ZSWIM8: variants seen among roughly 807,000 people sequenced by gnomAD.
The protein encoded by ZSWIM8 is zinc finger SWIM domain-containing protein 8.
A neutral mutation model predicts 173.7 loss-of-function variants in ZSWIM8; 27 were observed. The observed-to-expected ratio is 0.16, with a 90% CI of 0.11 to 0.21. The LOEUF is 0.21. ZSWIM8 is among the 10% of genes least tolerant of loss of function. The probability of loss-of-function intolerance (pLI) is 1.00; values close to 1 mark genes in which losing one functional copy is unlikely to be tolerated. For synonymous variants in ZSWIM8, 958 were observed against 962.0 expected (o/e 1.00, Z 0.08); for missense variants, 1,627 against 2,428.8 (o/e 0.67, Z 6.94).
chr10:73,800,791 C>T lies in ZSWIM8; in HGVS notation c.5122+32C>T, dbSNP rs759227145. 7 of 1,492,582 alleles carry T rather than the reference C, an allele frequency of 4.7e-6. No homozygotes were observed. The highest frequency in any genetic ancestry group is 2.6e-5 in the South Asian group (2 of 78,058). The allele number at this position is 1,492,582 out of a possible 1,614,324, so 92.5% of individuals were successfully genotyped here. On this transcript the variant is annotated intron_variant, in intron 24 of 25. Coordinates refer to ENST00000604729, the MANE Select transcript of ZSWIM8 (RefSeq NM_001367799.1). The surrounding 1 kb of genome is among the most constrained non-coding windows in gnomAD (Gnocchi z 4.1). Reference sequence around the variant, plus strand: ...CCTCCCCTCCCTAGGACCATTGCCCCCCCCCCACCTGCTCTCCCCACCTTC... The same window carrying T: ...CCTCCCCTCCCTAGGACCATTGCCCTCCCCCCACCTGCTCTCCCCACCTTC...
chr10:73,793,534 C>T (rs1465135085), intron 10 of ZSWIM8, 54 bp from the exon 11 acceptor site: 6 of 1,528,746 alleles, frequency 3.9e-6, no homozygotes, highest in Middle Eastern at 3.5e-4. Flanking sequence ...AGCATGATGT[C>T]CTGCTCCTGG....
chr10:73,800,132 A>T lies in ZSWIM8; in HGVS notation c.4787A>T (p.His1596Leu). 6.2e-7 allele frequency: 1 copy of T among 1,613,682 alleles called. No homozygotes were observed. The highest frequency in any genetic ancestry group is 8.5e-7 in the Non-Finnish European group (1 of 1,179,804). ...GCACCCATCACAGTACATCCCTACC[A>T]CACAGAGCCAGGGCTTCCACTGCCC... is the stretch of plus-strand genomic sequence containing the variant. ...SMAPITVHPY[H>L]TEPGLPLPTS... is the part of the protein sequence containing the mutation. The change falls in exon 22 of 26, where the codon CAC becomes CTC. Residue 1596 changes from histidine to leucine, a missense_variant. This residue lies in a region of ZSWIM8 where 275 missense variants were observed against 290.1 expected (regional missense o/e 0.95). Transcript: ENST00000604729. This position sits in a 1 kb window ranked among gnomAD's most constrained non-coding sequence, Gnocchi z 4.1.
In ZSWIM8 at chr10:73,800,666, C is replaced by T. The variant is rs769162699; in HGVS notation, c.5029C>T (p.Arg1677Cys). The T allele has an allele frequency of 3.7e-6, 6 of 1,613,706 alleles. No homozygotes were observed. The highest frequency in any genetic ancestry group is 5.1e-6 in the Non-Finnish European group (6 of 1,179,772). Residue 1677 changes from arginine to cysteine, a missense_variant, in exon 24 of 26, where the codon CGC (arginine) becomes TGC (cysteine). Coordinates refer to ENST00000604729, the MANE Select transcript of ZSWIM8 (RefSeq NM_001367799.1). This position sits in a 1 kb window ranked among gnomAD's most constrained non-coding sequence, Gnocchi z 4.1. ...VGMLALEMLG[R>C]RAHNDHPNNF... is the part of the protein sequence containing the mutation. ...AATGCTGGCACTGGAGATGCTGGGT[C>T]GCCGGGCACACAACGATCACCCCAA...
At position 73,797,051 on chromosome 10, in the gene ZSWIM8, G is replaced by A. The variant is rs770310199; in HGVS notation, c.3274+37G>A. 1.9e-6 allele frequency: 3 copies of A among 1,611,726 alleles called. No homozygotes were observed. The highest frequency in any genetic ancestry group is 2.2e-5 in the South Asian group (2 of 90,940). Reference sequence around the variant, plus strand: ...GCACTGGGCAGGGGGGATGAATGGTGTGGACCTATGTTGAGGTCCCCTTTC... The same window carrying A: ...GCACTGGGCAGGGGGGATGAATGGTATGGACCTATGTTGAGGTCCCCTTTC... On this transcript the variant is annotated intron_variant, in intron 16 of 25. Transcript: ENST00000604729. The surrounding 1 kb of genome is among the most constrained non-coding windows in gnomAD (Gnocchi z 5.6).
chr10:73,796,322 C>CT (rs2083651690), intron 15 of ZSWIM8: 1 of 405,748 alleles, frequency 2.5e-6, no homozygotes, highest in Non-Finnish European at 4.8e-6. Flanking sequence ...GCACTCCAGC[C>CT]TGGGCAACAG....
chr10:73,786,367 C>T (rs1295384676), intron 1 of ZSWIM8: 2 of 380,706 alleles, frequency 5.3e-6, no homozygotes, highest in African/African-American at 2.1e-5. Context: ...CGTGCGCGCG[C>T]TGTGACAGGG....
chr10:73,786,707 A>G (rs1219244099), intron 1 of ZSWIM8: 1 of 152,176 alleles, frequency 6.6e-6, no homozygotes, highest in East Asian at 1.9e-4. Context: ...TAGATCATAG[A>G]CTTTGCTTCT....
In ZSWIM8 at chr10:73,789,082, T is replaced by C; in HGVS notation, c.363-14T>C. 2 of 1,613,004 alleles carry C rather than the reference T, an allele frequency of 1.2e-6. No homozygotes were observed. Among genetic ancestry groups the C allele is most frequent in the Non-Finnish European group, 8.5e-7 (1 of 1,179,386 alleles). ...TTTGCTGAGTTGTGGCTGTGTCCTC[T>C]TCTTCACCCCCAGGCTGTATTCGTG... On this transcript the variant is annotated splice_polypyrimidine_tract_variant and intron_variant, in intron 2 of 25. Transcript: ENST00000604729. This position sits in a 1 kb window ranked among gnomAD's most constrained non-coding sequence, Gnocchi z 6.8.
At chr10:73,799,590 G>C in intron 21 of ZSWIM8, 100 bp downstream of exon 21, 2 of 1,489,852 alleles carry the variant, frequency 1.3e-6, no homozygotes, top group South Asian at 2.4e-5. Context: ...GTCAGTCGGA[G>C]AGTCCTGGTG....
Position 73,801,295 on chromosome 10 carries a change from C to T in ZSWIM8, c.5302-21C>T, listed in dbSNP as rs758905385. 5 of 1,612,628 alleles carry T rather than the reference C, an allele frequency of 3.1e-6. No individual in the cohort carries two copies. The highest frequency in any genetic ancestry group is 2.7e-5 in the African/African-American group (2 of 74,906). On this transcript the variant is annotated intron_variant, in intron 25 of 25. Coordinates refer to ENST00000604729, the MANE Select transcript of ZSWIM8 (RefSeq NM_001367799.1). The surrounding 1 kb of genome is among the most constrained non-coding windows in gnomAD (Gnocchi z 4.9). Reference sequence around the variant, plus strand: ...TTCTGTGCTTTGTACTAAGGCTCATCCTGCACACATCCTCCTCCAGTACAT... The same window carrying T: ...TTCTGTGCTTTGTACTAAGGCTCATTCTGCACACATCCTCCTCCAGTACAT...
rs753738015 is a variant in ZSWIM8 at position 73,800,794 on chromosome 10, C to T, written c.5122+35C>T. On this transcript the variant is annotated intron_variant, in intron 24 of 25. Transcript: ENST00000604729. The surrounding 1 kb of genome is among the most constrained non-coding windows in gnomAD (Gnocchi z 4.1). Reference sequence around the variant, plus strand: ...CCCCTCCCTAGGACCATTGCCCCCCCCCCACCTGCTCTCCCCACCTTCCTT... The same window carrying T: ...CCCCTCCCTAGGACCATTGCCCCCCTCCCACCTGCTCTCCCCACCTTCCTT... The T allele has an allele frequency of 3.4e-6, 5 of 1,478,636 alleles. No individual in the cohort carries two copies. Among genetic ancestry groups the T allele is most frequent in the East Asian group, 2.3e-5 (1 of 43,946 alleles). The allele number at this position is 1,478,636 out of a possible 1,614,324, so 91.6% of individuals were successfully genotyped here. A position where few individuals can be genotyped will look rare whatever the true frequency, so the allele number is the denominator to read the frequency against.
At chr10:73,788,473 C>T (rs1250530725) in intron 1 of ZSWIM8, among the ~76,000 whole-genome samples, 197 bp from the exon 2 acceptor site, 1 of 152,116 alleles carries the variant, frequency 6.6e-6, no homozygotes, top group Non-Finnish European at 1.5e-5. Flanking sequence ...GGGGATTATC[C>T]AGCTCCCCTT....
At position 73,792,333 on chromosome 10, in the gene ZSWIM8, A is replaced by C; in HGVS notation, c.1794A>C (p.Ser598=). ...GGGCTGGCAGTGGGAGCAAGGGCTCAGCAGGTGGCGGAAGCAAGCGACGGC... is the reference window on the plus strand; with the variant it reads ...GGGCTGGCAGTGGGAGCAAGGGCTCCGCAGGTGGCGGAAGCAAGCGACGGC... ...LGGAGSGSKG[S]AGGGSKRRLS... Residue 598 remains serine (S), a synonymous_variant, in exon 10 of 26, where the codon TCA becomes TCC. Coordinates refer to ENST00000604729, the MANE Select transcript of ZSWIM8 (RefSeq NM_001367799.1). The surrounding 1 kb of genome is among the most constrained non-coding windows in gnomAD (Gnocchi z 4.3). 1 of 1,612,992 alleles carries C rather than the reference A, an allele frequency of 6.2e-7. No individual in the cohort carries two copies. The highest frequency in any genetic ancestry group is 8.5e-7 in the Non-Finnish European group (1 of 1,179,552).
Position 73,792,353 on chromosome 10 carries a change from G to A in ZSWIM8, c.1814G>A (p.Arg605Gln), listed in dbSNP as rs1208196720. The change falls in exon 10 of 26, where the codon CGA becomes CAA. Residue 605 changes from arginine (R) to glutamine (Q), a missense_variant. Physicochemically the swap from Arg to Gln is conservative, Grantham distance 43 (BLOSUM62 1). Around this residue, in one of 18 missense-constraint regions of ZSWIM8, gnomAD observed 383 missense variants for 394.8 expected, o/e 0.97. Transcript: ENST00000604729. The surrounding 1 kb of genome is among the most constrained non-coding windows in gnomAD (Gnocchi z 4.3). ...GGCTCAGCAGGTGGCGGAAGCAAGC[G>A]ACGGCTGAGCAGCGAAGACAGCTCC... ...SKGSAGGGSK[R>Q]RLSSEDSSLE... 5.6e-6 allele frequency: 9 copies of A among 1,611,570 alleles called. No individual in the cohort carries two copies. The highest frequency in any genetic ancestry group is 5.0e-5 in the Admixed American group (3 of 59,574).
In ZSWIM8 at chr10:73,790,429, T is replaced by C. The variant is rs778897998; in HGVS notation, c.941+137T>C. ...AACTGGCACAGTGCCTGGCACACAG[T>C]TGTCACTAACGAATTGATGGAAGAT... On this transcript the variant is annotated intron_variant, in intron 7 of 25. Transcript: ENST00000604729. The C allele has an allele frequency of 1.3e-4, 164 of 1,299,068 alleles. No homozygotes were observed. In the Middle Eastern group the frequency reaches 1.5e-3, roughly 12 times the overall value. The allele number at this position is 1,299,068 out of a possible 1,614,324, so 80.5% of individuals were successfully genotyped here.
rs777848672 is a variant in ZSWIM8, at chr10:73,799,359, C to T, written c.4534C>T (p.Pro1512Ser). The T allele has an allele frequency of 3.7e-6, 6 of 1,611,732 alleles. No homozygotes were observed. The highest frequency in any genetic ancestry group is 5.1e-6 in the Non-Finnish European group (6 of 1,179,074). ...LGHGHSPGLH[P>S]YTALQPHLPC... is the part of the protein sequence containing the mutation. The stretch of plus-strand genomic sequence containing the variant: ...GCATGGCCACTCCCCTGGCCTGCAC[C>T]CCTACACTGCTCTACAGCCCCACCT... The change falls in exon 21 of 26, where the codon CCC (proline) becomes TCC (serine). Residue 1512 changes from proline (P) to serine (S), a missense_variant. Around this residue, in one of 18 missense-constraint regions of ZSWIM8, gnomAD observed 275 missense variants for 290.1 expected, o/e 0.95. Transcript: ENST00000604729.
At chr10:73,794,786 G>A in intron 14 of ZSWIM8, 147 bp downstream of exon 14, 2 of 659,554 alleles carry the variant, frequency 3.0e-6, no homozygotes, top group South Asian at 1.9e-5. Flanking sequence ...AGGAATTCAG[G>A]GCAAAAATGT....
chr10:73,789,201 CA>C lies in ZSWIM8; in HGVS notation c.457+12del. On this transcript the variant is annotated intron_variant, in intron 3 of 25. Transcript: ENST00000604729. This position sits in a 1 kb window ranked among gnomAD's most constrained non-coding sequence, Gnocchi z 6.8. ...ACCCATTGCAGATAGGTGAGTGGGCCATCATGCCATGTGGCACATCCTGCTC... is the reference window on the plus strand; with the variant it reads ...ACCCATTGCAGATAGGTGAGTGGGCCTCATGCCATGTGGCACATCCTGCTC... 6.2e-7 allele frequency: 1 copy of C among 1,613,794 alleles called. No individual in the cohort carries two copies. The highest frequency in any genetic ancestry group is 8.5e-7 in the Non-Finnish European group (1 of 1,179,664).
In ZSWIM8 at chr10:73,792,495, C is replaced by T. The variant is rs2083452850; in HGVS notation, c.1956C>T (p.Gly652=). Residue 652 remains glycine, a synonymous_variant, in exon 10 of 26, where the codon GGC becomes GGT. Transcript: ENST00000604729. This position sits in a 1 kb window ranked among gnomAD's most constrained non-coding sequence, Gnocchi z 4.3. ...CTCCACCCTGTCCTCTCCACGGTGG[C>T]TCCCGAGGCCCTTCCACTTTCCTTC... ...ESPPPCPLHG[G]SRGPSTFLPE... 5 of 1,613,046 alleles carry T rather than the reference C, an allele frequency of 3.1e-6. No homozygotes were observed. The highest frequency in any genetic ancestry group is 1.3e-5 in the African/African-American group (1 of 74,912).
Sources: gnomAD v4.1 joint callset for allele counts (sites outside exome capture counted in the v4.1 genomes callset) on GRCh38, gnomAD v4.1.1 for gene constraint, gnomAD v4.1.1 regional missense constraint, Gnocchi (gnomAD v3.1) non-coding constraint, MANE v1.5 for transcripts, NCBI Gene and HGNC (gene_info 2026-07-23, HGNC 2026-07-21) for gene names.